Variants in GPC6 observed in about 807,000 individuals in gnomAD.
The protein encoded by GPC6 is glypican 6.
Under a neutral mutation model 55.2 loss-of-function variants are expected in GPC6, and 14 were observed. The observed-to-expected ratio is 0.25, with a 90% CI of 0.17 to 0.40. The LOEUF is 0.40. GPC6 is among the 10% of genes least tolerant of loss of function. GPC6 has a pLI of 1.00. For missense variants in GPC6, 641 were observed against 708.5 expected (o/e 0.90, Z 1.08); for synonymous variants, 278 against 259.6 (o/e 1.07, Z -0.68).
intron 1 of GPC6, among the ~76,000 whole-genome samples, chr13:93,326,345 C>A (rs966538472): frequency 1.3e-5 from 2 of 152,044 alleles, no homozygotes; most frequent in Admixed American, 6.6e-5. Flanking sequence ...CTTATTACTG[C>A]CAGGTGAGCT....
At chr13:93,539,700 T>TA (rs1199990219) in intron 1 of GPC6, among the ~76,000 whole-genome samples, 1 of 151,198 alleles carries the variant, frequency 6.6e-6, no homozygotes, top group Non-Finnish European at 1.5e-5. Flanking sequence ...GGTACTTTTT[T>TA]TTTTTTTTGA....
chr13:93,741,601 C>T (rs4771880), intron 2 of GPC6, among the ~76,000 whole-genome samples: 72,479 of 151,950 alleles, frequency 0.48, 19,230 homozygotes, highest in Middle Eastern at 0.73. Context: ...AGCATAGCCC[C>T]GCCCCTGAGT....
intron 1 of GPC6, among the ~76,000 whole-genome samples, chr13:93,315,616 A>C (rs1879220928): frequency 6.6e-6 from 1 of 151,936 alleles, no homozygotes; most frequent in Admixed American, 6.6e-5. Flanking sequence ...AATATTCTTT[A>C]TATAATTTTA....
At chr13:93,708,305 G>A (rs1308623554) in intron 2 of GPC6, among the ~76,000 whole-genome samples, 1 of 151,626 alleles carries the variant, frequency 6.6e-6, no homozygotes, top group Non-Finnish European at 1.5e-5. Context: ...TCAATGTACT[G>A]GCATATCTTT....
chr13:93,984,449 C>G (rs1013794116), intron 3 of GPC6, among the ~76,000 whole-genome samples: 2 of 152,014 alleles, frequency 1.3e-5, no homozygotes, highest in Non-Finnish European at 2.9e-5. Context: ...AAAATAGTAT[C>G]CCAAAAGTTA....
intron 4 of GPC6, among the ~76,000 whole-genome samples, chr13:94,158,293 G>A (rs933938404): frequency 5.9e-5 from 9 of 151,746 alleles, no homozygotes; most frequent in Non-Finnish European, 1.3e-4. Flanking sequence ...GATGTTACTA[G>A]GAAGGATATT....
chr13:94,153,738 G>C (rs1043298946), intron 4 of GPC6, among the ~76,000 whole-genome samples: 1 of 152,202 alleles, frequency 6.6e-6, no homozygotes, highest in Non-Finnish European at 1.5e-5. Flanking sequence ...CAAACTAGCA[G>C]CATCCGCATT....
chr13:94,396,911 T>C (rs78342332), intron 7 of GPC6, among the ~76,000 whole-genome samples: 4,790 of 152,274 alleles, frequency 0.031, 109 homozygotes, highest in Middle Eastern at 0.068. Context: ...CTCTGTGACT[T>C]TGCACATTTG....
intron 3 of GPC6, among the ~76,000 whole-genome samples, chr13:93,834,101 T>A (rs187982051): frequency 2.0e-5 from 3 of 152,332 alleles, no homozygotes; most frequent in African/African-American, 7.2e-5. Flanking sequence ...AATACCTGTA[T>A]TGTTGAAGAT....
At chr13:93,258,533 T>C (rs1877031356) in intron 1 of GPC6, among the ~76,000 whole-genome samples, 1 of 152,172 alleles carries the variant, frequency 6.6e-6, no homozygotes, top group South Asian at 2.1e-4. Flanking sequence ...CCCAAGTTTC[T>C]GTAAATAAAT....
At chr13:93,400,338 C>CA (rs11345982) in intron 1 of GPC6, among the ~76,000 whole-genome samples, 64,665 of 141,838 alleles carry the variant, frequency 0.46, 15,803 homozygotes, top group Non-Finnish European at 0.58. Context: ...AGGCACTGGT[C>CA]AAAAAAAAAA....
chr13:94,400,738 C>T (rs996991326), intron 8 of GPC6, among the ~76,000 whole-genome samples: 2 of 152,180 alleles, frequency 1.3e-5, no homozygotes, highest in African/African-American at 2.4e-5. Flanking sequence ...CTCAACAGAG[C>T]ATCACCACTT....
chr13:93,482,021 A>G (rs535714631), intron 1 of GPC6, among the ~76,000 whole-genome samples: 1 of 152,246 alleles, frequency 6.6e-6, no homozygotes, highest in South Asian at 2.1e-4. Context: ...CCTTAACACT[A>G]TTTAGTCTTG....
intron 2 of GPC6, among the ~76,000 whole-genome samples, chr13:93,634,084 T>C (rs2139575951): frequency 6.6e-6 from 1 of 152,332 alleles, no homozygotes; most frequent in East Asian, 1.9e-4. Context: ...TTACCCCAGC[T>C]TCCCTCAATC....
chr13:93,644,234 A>G (rs1173184589), intron 2 of GPC6, among the ~76,000 whole-genome samples: 1 of 152,038 alleles, frequency 6.6e-6, no homozygotes. Context: ...CGGAAATTAT[A>G]CTTCTTCTAG....
intron 1 of GPC6, among the ~76,000 whole-genome samples, chr13:93,334,633 ATT>A (rs936778533): frequency 7.5e-4 from 114 of 151,956 alleles, no homozygotes; most frequent in African/African-American, 2.5e-3. Context: ...TGCCCAGCTA[ATT>A]TTTATAATTT....
intron 1 of GPC6, among the ~76,000 whole-genome samples, chr13:93,453,254 C>T (rs941845199): frequency 2.0e-4 from 31 of 152,134 alleles, no homozygotes; most frequent in Admixed American, 6.5e-4. Flanking sequence ...CTTCCTCTTC[C>T]CCCACTTTCA....
chr13:93,425,053 T>C lies in GPC6; in HGVS notation c.161-120210T>C, dbSNP rs547205556. Among the ~76,000 whole-genome samples the C allele has an allele frequency of 1.6e-3, 249 of 152,248 alleles. 2 individuals carry two copies. The highest frequency in any genetic ancestry group is 6.8e-3 in the Middle Eastern group (2 of 294). On this transcript the variant is annotated intron_variant, in intron 1 of 8. Transcript: ENST00000377047. ...AGGGCTGGGACAAGGGTAGGGCAAA[T>C]GAAATACTTACTTTGGGTGCAAGAT...
At chr13:93,306,998 G>A (rs1878882681) in intron 1 of GPC6, among the ~76,000 whole-genome samples, 1 of 151,880 alleles carries the variant, frequency 6.6e-6, no homozygotes, top group African/African-American at 2.4e-5. Context: ...GAAGATCAGT[G>A]GTGCTTAGAA....
Sources: gnomAD v4.1 joint callset for allele counts (sites outside exome capture counted in the v4.1 genomes callset) on GRCh38, gnomAD v4.1.1 for gene constraint, MANE v1.5 for transcripts, NCBI Gene and HGNC (gene_info 2026-07-23, HGNC 2026-07-21) for gene names.